SLC39A11: variants seen among roughly 807,000 people sequenced by gnomAD.
SLC39A11 encodes solute carrier family 39 member 11, also known as zinc transporter ZIP11.
SLC39A11 carries 33 observed loss-of-function variants against 36.1 expected under a neutral mutation model. That is an observed-to-expected ratio of 0.91 (90% CI 0.69 to 1.22). The LOEUF is 1.22. Ranked by LOEUF, SLC39A11 falls within the 50% of genes most tolerant of loss-of-function variation. The pLI, the probability that SLC39A11 is intolerant of heterozygous loss-of-function variation, is 0.00. For synonymous variants in SLC39A11, 166 were observed against 170.3 expected (o/e 0.97, Z 0.20); for missense variants, 432 against 430.3 (o/e 1.00, Z -0.03).
Position 72,773,679 on chromosome 17 carries a change from C to CACACACACA in SLC39A11, c.602-36961_602-36960insTGTGTGTGT, listed in dbSNP as rs57105900. ...CACACACACACACACACACACACAC[C>CACACACACA]CAGTATATAAAGGATATCAGTGTCA... On this transcript the variant is annotated intron_variant, in intron 6 of 9. Transcript: ENST00000255559. Among the ~76,000 whole-genome samples, 1,168 of 145,798 alleles carry CACACACACA rather than the reference C, an allele frequency of 8.0e-3. 16 individuals are homozygous for CACACACACA. The highest frequency in any genetic ancestry group is 0.023 in the East Asian group (109 of 4,648).
At chr17:72,661,318 G>A (rs1567916245) in intron 7 of SLC39A11, among the ~76,000 whole-genome samples, 2 of 152,026 alleles carry the variant, frequency 1.3e-5, no homozygotes, top group African/African-American at 4.8e-5. Context: ...TCTGGGGTTC[G>A]AGGTGCACGC....
chr17:72,703,060 G>GCC (rs1334883414), intron 7 of SLC39A11, among the ~76,000 whole-genome samples: 1 of 151,446 alleles, frequency 6.6e-6, no homozygotes, highest in Non-Finnish European at 1.5e-5. Flanking sequence ...CTCCCTTACC[G>GCC]CCCCATCACC....
At chr17:73,077,752 C>G in intron 3 of SLC39A11, among the ~76,000 whole-genome samples, 1 of 152,266 alleles carries the variant, frequency 6.6e-6, no homozygotes, top group South Asian at 2.1e-4. Context: ...GCTCCTCATT[C>G]GTGATAACAC....
intron 3 of SLC39A11, among the ~76,000 whole-genome samples, chr17:73,041,009 C>CA (rs201482199): frequency 0.16 from 22,653 of 139,490 alleles, 2,915 homozygotes; most frequent in African/African-American, 0.35. Flanking sequence ...AAACAAAAAA[C>CA]AAAAAAAAAA....
chr17:72,735,993 G>T (rs2074412451), intron 7 of SLC39A11, among the ~76,000 whole-genome samples: 1 of 152,216 alleles, frequency 6.6e-6, no homozygotes, highest in Non-Finnish European at 1.5e-5. Flanking sequence ...GGGAACCCTG[G>T]AGGAGGGGCA....
intron 6 of SLC39A11, among the ~76,000 whole-genome samples, chr17:72,838,678 C>T (rs1449810077): frequency 6.6e-6 from 1 of 152,096 alleles, no homozygotes; most frequent in African/African-American, 2.4e-5. Flanking sequence ...GAGAAAATGC[C>T]ACACAATAAA....
chr17:72,968,065 G>A (rs570420337), intron 4 of SLC39A11, among the ~76,000 whole-genome samples: 30 of 151,124 alleles, frequency 2.0e-4, no homozygotes, highest in South Asian at 6.4e-4. Flanking sequence ...CCTGCATCCC[G>A]GCCTGGGAGC....
At chr17:72,833,821 G>A (rs748294581) in intron 6 of SLC39A11, among the ~76,000 whole-genome samples, 4 of 151,926 alleles carry the variant, frequency 2.6e-5, no homozygotes, top group South Asian at 4.2e-4. Flanking sequence ...CACAAGTCCC[G>A]GCACAACTCG....
intron 4 of SLC39A11, among the ~76,000 whole-genome samples, chr17:72,957,964 G>T (rs2086353612): frequency 1.3e-5 from 2 of 152,224 alleles, no homozygotes; most frequent in African/African-American, 4.8e-5. Context: ...CTTCACTCCA[G>T]CCTGGGCGAA....
intron 6 of SLC39A11, chr17:72,838,005 T>G (rs1185072917): frequency 4.1e-6 from 5 of 1,230,760 alleles, no homozygotes; most frequent in Admixed American, 4.2e-5. Context: ...AGTGGTAGGT[T>G]GGGTACAGTG....
intron 4 of SLC39A11, among the ~76,000 whole-genome samples, chr17:72,951,107 A>AAC (rs10622479): frequency 0.14 from 20,770 of 150,940 alleles, 2,099 homozygotes; most frequent in African/African-American, 0.26. Flanking sequence ...TAAAAAAAAA[A>AAC]AAAATTAGCC....
At chr17:72,701,348 A>G (rs962560717) in intron 7 of SLC39A11, among the ~76,000 whole-genome samples, 1 of 152,160 alleles carries the variant, frequency 6.6e-6, no homozygotes, top group South Asian at 2.1e-4. Flanking sequence ...GTGTTGAGGG[A>G]CCATCTCCTT....
chr17:72,660,339 C>T (rs574862092), intron 7 of SLC39A11, among the ~76,000 whole-genome samples: 8 of 152,338 alleles, frequency 5.3e-5, no homozygotes, highest in South Asian at 2.1e-4. Context: ...AGTATTACTA[C>T]GTGCTGGGCG....
intron 6 of SLC39A11, among the ~76,000 whole-genome samples, chr17:72,806,934 C>T (rs78062128): frequency 0.03 from 4,607 of 152,244 alleles, 222 homozygotes; most frequent in African/African-American, 0.1. Context: ...GGAATGCTGA[C>T]GAGTCACCAG....
intron 2 of SLC39A11, among the ~76,000 whole-genome samples, chr17:73,086,743 C>A (rs927732712): frequency 1.3e-5 from 2 of 152,152 alleles, no homozygotes; most frequent in East Asian, 3.8e-4. Flanking sequence ...TCACTTGAAC[C>A]CAGGAGGTGG....
At chr17:73,026,200 G>GAAGAGAAGAGAAGAGCAGA (rs1555683108) in intron 4 of SLC39A11, among the ~76,000 whole-genome samples, 1 of 126,926 alleles carries the variant, frequency 7.9e-6, no homozygotes. Context: ...AGAAGAGAAG[G>GAAGAGAAGAGAAGAGCAGA]GAAGAGAAGA....
At chr17:72,773,023 T>C (rs1568065718) in intron 6 of SLC39A11, among the ~76,000 whole-genome samples, 1 of 151,902 alleles carries the variant, frequency 6.6e-6, no homozygotes, top group Non-Finnish European at 1.5e-5. Context: ...GAGGTGGAGG[T>C]TGCAGTGAGC....
intron 7 of SLC39A11, among the ~76,000 whole-genome samples, chr17:72,666,197 G>T (rs982828073): frequency 3.3e-5 from 5 of 152,178 alleles, no homozygotes; most frequent in Admixed American, 6.5e-5. Flanking sequence ...GGTATTGTGG[G>T]TTCTCTAGAT....
At chr17:72,823,167 A>T (rs1235154177) in intron 6 of SLC39A11, among the ~76,000 whole-genome samples, 1 of 151,240 alleles carries the variant, frequency 6.6e-6, no homozygotes, top group Non-Finnish European at 1.5e-5. Context: ...ATACCGTGAG[A>T]ACTCTCTCTG....
Sources: allele counts gnomAD v4.1 joint callset (sites outside exome capture counted in the v4.1 genomes callset), GRCh38; gene constraint gnomAD v4.1.1; transcripts MANE v1.5; gene names NCBI Gene and HGNC (gene_info 2026-07-23, HGNC 2026-07-21).